ZFYVE26: variants seen among roughly 807,000 people sequenced by gnomAD.
ZFYVE26 encodes zinc finger FYVE domain-containing protein 26.
A neutral mutation model predicts 276.5 loss-of-function variants in ZFYVE26; 181 were observed. The ratio of observed to expected loss-of-function variants is 0.65; its 90% CI spans 0.58 to 0.74. ZFYVE26 has a LOEUF of 0.74. Ranked by LOEUF, ZFYVE26 falls within the 30% of genes least tolerant of loss-of-function variation. The probability of loss-of-function intolerance (pLI) is 0.00; values close to 1 mark genes in which losing one functional copy is unlikely to be tolerated. For missense variants in ZFYVE26, 2,821 were observed against 3,097.9 expected, an observed-to-expected ratio of 0.91 and a Z score of 2.12; for synonymous variants, 1,129 against 1,203.1, an observed-to-expected ratio of 0.94 and a Z score of 1.27.
intron 13 of ZFYVE26, among the ~76,000 whole-genome samples, chr14:67,738,356 C>T (rs980283688): frequency 2.1e-5 from 3 of 144,704 alleles, no homozygotes; most frequent in East Asian, 3.9e-4. Flanking sequence ...CTTATATATA[C>T]TAATATACTT....
intron 28 of ZFYVE26, 172 bp from the exon 29 acceptor site, chr14:67,769,902 T>C (rs1434136397): frequency 3.5e-6 from 3 of 865,144 alleles, no homozygotes; most frequent in Non-Finnish European, 5.4e-6. Flanking sequence ...AAATTGAATG[T>C]TTAAAAATAT....
intron 13 of ZFYVE26, among the ~76,000 whole-genome samples, chr14:67,730,507 C>T (rs551070218): frequency 3.3e-5 from 5 of 152,286 alleles, no homozygotes; most frequent in Middle Eastern, 3.4e-3. Context: ...CAGAGTATTT[C>T]GGGTTTTAGA....
chr14:67,804,217 T>A lies in ZFYVE26; in HGVS notation c.1319A>T (p.Asp440Val), dbSNP rs200389391. The change falls in exon 9 of 42, where the codon GAC becomes GTC. Residue 440 changes from aspartate to valine, a missense_variant. Physicochemically the swap from Asp to Val is radical, Grantham distance 152. Coordinates refer to ENST00000347230, the MANE Select transcript of ZFYVE26 (RefSeq NM_015346.4). ...RDLLYHLHGGDSHSVLYTLHH... is the reference protein window; with the variant it reads ...RDLLYHLHGGVSHSVLYTLHH... Reference sequence around the variant, plus strand: ...GAGAGTGTAGAGCACTGAGTGGCTGTCTCCACCGTGTAAATGATACAACAG... The same window carrying A: ...GAGAGTGTAGAGCACTGAGTGGCTGACTCCACCGTGTAAATGATACAACAG... The A allele has an allele frequency of 2.9e-5, 46 of 1,613,976 alleles. No homozygotes were observed. The highest frequency in any genetic ancestry group is 1.6e-4 in the Middle Eastern group (1 of 6,062).
chr14:67,740,616 C>A (rs535836584), intron 13 of ZFYVE26, among the ~76,000 whole-genome samples: 1 of 152,142 alleles, frequency 6.6e-6, no homozygotes, highest in East Asian at 1.9e-4. Context: ...ATACACCTAC[C>A]AGTTTAAAAG....
intron 23 of ZFYVE26, 194 bp from the exon 24 acceptor site, chr14:67,778,442 G>A (rs2039409625): frequency 3.2e-6 from 2 of 628,722 alleles, no homozygotes; most frequent in Non-Finnish European, 5.5e-6. Flanking sequence ...CAGATGACAT[G>A]TGGCAACAGA....
intron 23 of ZFYVE26, 163 bp from the exon 24 acceptor site, chr14:67,778,411 T>C: frequency 1.2e-6 from 1 of 837,892 alleles, no homozygotes; most frequent in East Asian, 2.6e-5. Flanking sequence ...ACTTTCCTCT[T>C]AGCACTACCA....
chr14:67,733,638 C>T, intron 13 of ZFYVE26: 1 of 739,512 alleles, frequency 1.4e-6, no homozygotes. Flanking sequence ...TTGAGTCTGG[C>T]ATATATTGTA....
intron 13 of ZFYVE26, chr14:67,733,877 C>G (rs754461258): frequency 4.6e-6 from 7 of 1,514,132 alleles, no homozygotes; most frequent in Non-Finnish European, 6.4e-6. Context: ...CTTTATCAGG[C>G]CCAATCCATG....
At chr14:67,756,444 T>C in intron 35 of ZFYVE26, 1 of 450,688 alleles carries the variant, frequency 2.2e-6, no homozygotes, top group Non-Finnish European at 4.1e-6. Context: ...TAATTCCCAT[T>C]GAAACTGCCC....
intron 3 of ZFYVE26, among the ~76,000 whole-genome samples, chr14:67,810,367 A>G (rs536443203): frequency 6.6e-6 from 1 of 152,356 alleles, no homozygotes; most frequent in Non-Finnish European, 1.5e-5. Flanking sequence ...GAAGAACAGT[A>G]TAAGGGGAGA....
In ZFYVE26 at chr14:67,807,498, G is replaced by A. The variant is rs2140252008; in HGVS notation, c.786C>T (p.Cys262=). The part of the protein sequence containing the change: ...SPLREERLLS[C]LLHKASRGLL... ...GGCCCCGGCTGGCCTTGTGCAGCAG[G>A]CAGCTGAGCAGCCGCTCCTCCCGCA... is the stretch of plus-strand genomic sequence containing the variant. The change falls in exon 5 of 42, where the codon TGC becomes TGT. Residue 262 remains cysteine (C), a synonymous_variant. Transcript: ENST00000347230. 1 of 1,614,092 alleles carries A rather than the reference G, an allele frequency of 6.2e-7. No individual in the cohort carries two copies. Among genetic ancestry groups the A allele is most frequent in the Non-Finnish European group, 8.5e-7 (1 of 1,180,000 alleles).
chr14:67,814,096 A>C lies in ZFYVE26; in HGVS notation c.195-32T>G, dbSNP rs762958477. ...AAGGTAAAAAGAAAGACTTGTAAAA[A>C]AGAGTTTCTACTGATCTTTCATCTT... On this transcript the variant is annotated intron_variant, in intron 2 of 41. Coordinates refer to ENST00000347230, the MANE Select transcript of ZFYVE26 (RefSeq NM_015346.4). 3.2e-6 allele frequency: 5 copies of C among 1,552,106 alleles called. No individual in the cohort carries two copies. The East Asian group carries it at 1.1e-4, about 35-fold the overall frequency.
chr14:67,749,594 G>C (rs752974991), intron 41 of ZFYVE26, among the ~76,000 whole-genome samples: 2 of 152,122 alleles, frequency 1.3e-5, no homozygotes, highest in Non-Finnish European at 2.9e-5. Context: ...TAGTGGAGGG[G>C]ACTCGCCTTG....
intron 23 of ZFYVE26, among the ~76,000 whole-genome samples, chr14:67,779,732 T>C (rs1368918554): frequency 1.3e-5 from 2 of 152,120 alleles, no homozygotes; most frequent in Non-Finnish European, 2.9e-5. Flanking sequence ...CTTCGAGAAA[T>C]ACATTCTGTA....
intron 3 of ZFYVE26, among the ~76,000 whole-genome samples, chr14:67,813,167 C>T (rs889029997): frequency 1.3e-5 from 2 of 152,130 alleles, no homozygotes; most frequent in African/African-American, 2.4e-5. Context: ...AAATTACAGA[C>T]ATTTTAAAAG....
chr14:67,804,095 A>G lies in ZFYVE26; in HGVS notation c.1435+6T>C. ...ATCCTGGCCAGGTCATTCCATCCCA[A>G]CTCACCAGGCTCTTGCTGGGGGTCC... is the stretch of plus-strand genomic sequence containing the variant. On this transcript the variant is annotated splice_donor_region_variant and intron_variant, in intron 9 of 41. Coordinates refer to ENST00000347230, the MANE Select transcript of ZFYVE26 (RefSeq NM_015346.4). 1 of 1,613,942 alleles carries G rather than the reference A, an allele frequency of 6.2e-7. No homozygotes were observed. Among genetic ancestry groups the G allele is most frequent in the Non-Finnish European group, 8.5e-7 (1 of 1,180,006 alleles).
chr14:67,804,876 T>A (rs2140249301), intron 8 of ZFYVE26, among the ~76,000 whole-genome samples: 1 of 152,338 alleles, frequency 6.6e-6, no homozygotes, highest in South Asian at 2.1e-4. Context: ...ATAATATTGG[T>A]ATCTACCCAT....
intron 14 of ZFYVE26, chr14:67,729,148 C>A: frequency 6.3e-7 from 1 of 1,593,804 alleles, no homozygotes; most frequent in Non-Finnish European, 8.6e-7. Context: ...TTTTCCTGGG[C>A]TCAGAGTGTG....
intron 15 of ZFYVE26, among the ~76,000 whole-genome samples, chr14:67,790,298 A>G (rs1037099536): frequency 6.6e-6 from 1 of 152,254 alleles, no homozygotes; most frequent in Non-Finnish European, 1.5e-5. Flanking sequence ...TGGCCATCAA[A>G]ACACAGGTTA....
Sources: gnomAD v4.1 joint callset for allele counts (sites outside exome capture counted in the v4.1 genomes callset) on GRCh38, gnomAD v4.1.1 for gene constraint, MANE v1.5 for transcripts, NCBI Gene and HGNC (gene_info 2026-07-23, HGNC 2026-07-21) for gene names.